PAPSS1: variants seen among roughly 807,000 people sequenced by gnomAD.
The protein encoded by PAPSS1 is bifunctional 3'-phosphoadenosine 5'-phosphosulfate synthase 1.
PAPSS1 carries 50 observed loss-of-function variants against 72.0 expected under a neutral mutation model. That is an observed-to-expected ratio of 0.69 (90% CI 0.55 to 0.88). The LOEUF (loss-of-function observed/expected upper bound fraction) is 0.88, where lower values mean the gene tolerates loss of function less well. Ranked by LOEUF, PAPSS1 falls within the 40% of genes least tolerant of loss-of-function variation. PAPSS1 has a pLI of 0.00. For missense variants in PAPSS1, 657 were observed against 782.2 expected (o/e 0.84, Z 1.91); for synonymous variants, 261 against 263.6 (o/e 0.99, Z 0.09).
intron 5 of PAPSS1, among the ~76,000 whole-genome samples, chr4:107,672,466 A>C (rs1284614285): frequency 1.3e-5 from 2 of 152,176 alleles, no homozygotes; most frequent in Non-Finnish European, 2.9e-5. Context: ...AGCCTCGCTC[A>C]TTGCTAGCAC....
chr4:107,665,026 C>G (rs1375897612), intron 5 of PAPSS1, among the ~76,000 whole-genome samples: 1 of 152,146 alleles, frequency 6.6e-6, no homozygotes, highest in African/African-American at 2.4e-5. Flanking sequence ...GATACCTAAC[C>G]AATGCCAAAA....
chr4:107,653,580 A>T lies in PAPSS1; in HGVS notation c.1148T>A (p.Val383Asp). 6.2e-7 allele frequency: 1 copy of T among 1,613,576 alleles called. No individual in the cohort carries two copies. The highest frequency in any genetic ancestry group is 8.5e-7 in the Non-Finnish European group (1 of 1,179,676). Reference protein sequence around the residue: ...GDWLIGGDLQVLDRVYWNDGL... With the variant: ...GDWLIGGDLQDLDRVYWNDGL... ...ATCATTCCAATAAACTCGATCCAAG[A>T]CTTGAAGATCTCCTCCAATCAGCCA... The change falls in exon 9 of 12, where the codon GTC becomes GAC. Residue 383 changes from valine (V) to aspartate (D), a missense_variant. Physicochemically the swap from Val to Asp is radical, Grantham distance 152. Coordinates refer to ENST00000265174, the MANE Select transcript of PAPSS1 (RefSeq NM_005443.5).
At chr4:107,663,497 T>C (rs1727241801) in intron 5 of PAPSS1, among the ~76,000 whole-genome samples, 1 of 152,194 alleles carries the variant, frequency 6.6e-6, no homozygotes, top group Non-Finnish European at 1.5e-5. Flanking sequence ...CACCACTCAT[T>C]GTTCTAAGAG....
At chr4:107,682,979 T>A (rs567336601) in intron 4 of PAPSS1, among the ~76,000 whole-genome samples, 3 of 152,324 alleles carry the variant, frequency 2.0e-5, no homozygotes, top group African/African-American at 7.2e-5. Flanking sequence ...TTTCCTATGG[T>A]ATATGTGTTA....
chr4:107,643,916 G>A (rs1436648550), intron 10 of PAPSS1, among the ~76,000 whole-genome samples: 2 of 151,976 alleles, frequency 1.3e-5, no homozygotes, highest in Non-Finnish European at 2.9e-5. Flanking sequence ...GACAAATTAG[G>A]AAACGATCAG....
At chr4:107,683,584 C>T (rs971039025) in intron 4 of PAPSS1, among the ~76,000 whole-genome samples, 10 of 151,996 alleles carry the variant, frequency 6.6e-5, no homozygotes, top group Non-Finnish European at 1.5e-4. Context: ...ATTTTAGAAG[C>T]CCTGGAGTTC....
intron 11 of PAPSS1, among the ~76,000 whole-genome samples, chr4:107,618,712 C>T (rs1725885955): frequency 6.6e-6 from 1 of 152,008 alleles, no homozygotes; most frequent in African/African-American, 2.4e-5. Flanking sequence ...GGAGAATCTG[C>T]ATGTGAATGA....
intron 5 of PAPSS1, among the ~76,000 whole-genome samples, chr4:107,677,832 T>C (rs181291575): frequency 6.6e-6 from 1 of 152,314 alleles, no homozygotes; most frequent in African/African-American, 2.4e-5. Context: ...GTGGCACATA[T>C]ACACCGTGGA....
At chr4:107,674,289 A>T (rs1221356387) in intron 5 of PAPSS1, among the ~76,000 whole-genome samples, 1 of 152,166 alleles carries the variant, frequency 6.6e-6, no homozygotes, top group Non-Finnish European at 1.5e-5. Context: ...CAGGAAACCC[A>T]TCTCACGTGC....
chr4:107,653,361 C>G (rs1258699494), intron 9 of PAPSS1, 130 bp downstream of exon 9: 4 of 686,590 alleles, frequency 5.8e-6, no homozygotes, highest in South Asian at 4.0e-5. Context: ...GATTGACTAC[C>G]TTTCTTTACA....
rs112602041 is a variant in PAPSS1 at position 107,640,207 on chromosome 4, A to G, written c.1506+4595T>C. 7.3e-3 allele frequency among the ~76,000 whole-genome samples: 1,112 copies of G among 152,326 alleles called. 12 individuals carry two copies. Among genetic ancestry groups the G allele is most frequent in the African/African-American group, 0.024 (993 of 41,580 alleles). The stretch of plus-strand genomic sequence containing the variant: ...CCTACATAGTCAATTAATACCTCAC[A>G]AAGACAAAATGTGTATCTATAACAC... On this transcript the variant is annotated intron_variant, in intron 10 of 11. Transcript: ENST00000265174.
intron 11 of PAPSS1, among the ~76,000 whole-genome samples, chr4:107,619,201 G>T (rs1725897809): frequency 6.6e-6 from 1 of 152,142 alleles, no homozygotes; most frequent in South Asian, 2.1e-4. Flanking sequence ...TCTTTCCCCA[G>T]AATGCCAAAC....
chr4:107,662,594 C>T (rs970232660), intron 5 of PAPSS1, among the ~76,000 whole-genome samples: 6 of 144,448 alleles, frequency 4.2e-5, no homozygotes, highest in African/African-American at 1.6e-4. Context: ...GGGGAAACCA[C>T]ATATAGAAAA....
At chr4:107,707,475 G>GTAC (rs1298851427) in intron 1 of PAPSS1, among the ~76,000 whole-genome samples, 1 of 152,112 alleles carries the variant, frequency 6.6e-6, no homozygotes, top group Non-Finnish European at 1.5e-5. Flanking sequence ...CAATCCATAG[G>GTAC]TACCATCCTG....
Position 107,631,685 on chromosome 4 carries a change from C to G in PAPSS1, c.1682G>C (p.Arg561Pro). 1 of 1,614,042 alleles carries G rather than the reference C, an allele frequency of 6.2e-7. No homozygotes were observed. Among genetic ancestry groups the G allele is most frequent in the Non-Finnish European group, 8.5e-7 (1 of 1,179,976 alleles). ...GLITLEIVPF[R>P]VAAYNKKKKR... ...CTTTTTCTTGTTGTAAGCTGCAACT[C>G]GAAAGGGAACTATTTCCAAAGTGAT... The change falls in exon 11 of 12, where the codon CGA becomes CCA. Residue 561 changes from arginine (R) to proline (P), a missense_variant. Arg to Pro is a moderately radical substitution (Grantham distance 103). This residue lies in a region of PAPSS1 where 103 missense variants were observed against 93.8 expected (regional missense o/e 1.10). Transcript: ENST00000265174.
chr4:107,684,195 T>C (rs1318194897), intron 4 of PAPSS1, among the ~76,000 whole-genome samples: 1 of 152,138 alleles, frequency 6.6e-6, no homozygotes, highest in Non-Finnish European at 1.5e-5. Flanking sequence ...ACCTTGCAAA[T>C]AGAAAGCTGA....
intron 5 of PAPSS1, among the ~76,000 whole-genome samples, chr4:107,666,857 G>T (rs574541341): frequency 6.6e-6 from 1 of 152,254 alleles, no homozygotes; most frequent in East Asian, 1.9e-4. Context: ...ATAAAAACTG[G>T]TATACAATTG....
At chr4:107,668,705 C>T (rs1727386232) in intron 5 of PAPSS1, among the ~76,000 whole-genome samples, 1 of 152,096 alleles carries the variant, frequency 6.6e-6, no homozygotes, top group South Asian at 2.1e-4. Flanking sequence ...GACTGGCTCT[C>T]CTGGATCCTC....
chr4:107,669,407 C>A (rs1302989171), intron 5 of PAPSS1, among the ~76,000 whole-genome samples: 1 of 152,166 alleles, frequency 6.6e-6, no homozygotes, highest in Admixed American at 6.5e-5. Context: ...TTAAATTCTA[C>A]ATCATAGTAT....
Sources: gnomAD v4.1 joint callset for allele counts (sites outside exome capture counted in the v4.1 genomes callset) on GRCh38, gnomAD v4.1.1 for gene constraint, gnomAD v4.1.1 regional missense constraint, MANE v1.5 for transcripts, NCBI Gene and HGNC (gene_info 2026-07-23, HGNC 2026-07-21) for gene names.